Variants in MBNL2 observed in about 807,000 individuals in gnomAD.
The protein encoded by MBNL2 is muscleblind-like protein 2.
A neutral mutation model predicts 41.9 loss-of-function variants in MBNL2; 17 were observed. That is an observed-to-expected ratio of 0.41 (90% CI 0.28 to 0.61). The LOEUF (loss-of-function observed/expected upper bound fraction) is 0.61. Among genes scored for constraint, MBNL2 ranks in the 20% least tolerant of loss-of-function variants. The pLI is 0.35. For missense variants in MBNL2, 336 were observed against 505.6 expected (o/e 0.66, Z 3.22); for synonymous variants, 195 against 182.9 (o/e 1.07, Z -0.53).
chr13:97,167,664 A>C, the MBNL2 span, among the ~76,000 whole-genome samples: 1 of 152,194 alleles, frequency 6.6e-6, no homozygotes, highest in Non-Finnish European at 1.5e-5. Flanking sequence ...ATCATAAAGC[A>C]GAGGATTTAA....
rs371829507 is a variant in MBNL2, at chr13:97,269,012, C to T, written c.-604-6620C>T. Among the ~76,000 whole-genome samples, 102 of 152,258 alleles carry T rather than the reference C, an allele frequency of 6.7e-4. 3 individuals carry two copies. The South Asian group carries it at 0.02, about 29-fold the overall frequency. ...CGGAGGGTGGCTCAGCTGAACCTTC[C>T]TGGCAAGCTCATATCCTTTTCCAGG... On this transcript the variant is annotated intron_variant, in intron 1 of 8. Coordinates refer to ENST00000679496, the MANE Select transcript of MBNL2 (RefSeq NM_001382683.1).
intron 2 of MBNL2, among the ~76,000 whole-genome samples, chr13:97,296,995 G>T (rs1278572930): frequency 6.6e-6 from 1 of 152,210 alleles, no homozygotes; most frequent in African/African-American, 2.4e-5. Context: ...CAAGGCTCTT[G>T]TCTGTGGCCC....
chr13:97,351,423 G>T (rs1594251563), intron 5 of MBNL2, among the ~76,000 whole-genome samples: 3 of 152,314 alleles, frequency 2.0e-5, no homozygotes, highest in African/African-American at 7.2e-5. Context: ...TACTTTGAAG[G>T]TTTGAAGCTA....
Position 97,346,734 on chromosome 13 carries a change from G to C in MBNL2, c.541-70G>C. On this transcript the variant is annotated intron_variant, in intron 4 of 8. Transcript: ENST00000679496. The surrounding 1 kb of genome is among the most constrained non-coding windows in gnomAD (Gnocchi z 4.2). ...CGAGGCAGCCTCCGCTCCTCCCGCG[G>C]TGGCCGGGGCCGCAGGGGCGCCTGG... 1 of 1,390,640 alleles carries C rather than the reference G, an allele frequency of 7.2e-7. No homozygotes were observed. Among genetic ancestry groups the C allele is most frequent in the South Asian group, 1.3e-5 (1 of 77,566 alleles). 86.1% of individuals were successfully genotyped at this position (1,390,640 alleles called of 1,614,324 possible).
intron 8 of MBNL2, among the ~76,000 whole-genome samples, chr13:97,372,977 T>TTTTG (rs1277298618): frequency 6.6e-6 from 1 of 152,202 alleles, no homozygotes; most frequent in Non-Finnish European, 1.5e-5. Context: ...GGGGCCTGCA[T>TTTTG]TTTGTTTCAC....
the MBNL2 span, among the ~76,000 whole-genome samples, chr13:97,197,144 CT>C: frequency 6.6e-6 from 1 of 152,164 alleles, no homozygotes; most frequent in South Asian, 2.1e-4. Flanking sequence ...GTAAACTCAG[CT>C]CATTGTTTTT....
the MBNL2 span, among the ~76,000 whole-genome samples, chr13:97,187,519 T>C: frequency 1.6e-4 from 23 of 142,006 alleles, no homozygotes; most frequent in Admixed American, 1.4e-3. Flanking sequence ...CCATGCATAG[T>C]ACTGCCTAAT....
chr13:97,350,574 A>T (rs150284419), intron 5 of MBNL2, among the ~76,000 whole-genome samples: 59 of 152,340 alleles, frequency 3.9e-4, no homozygotes, highest in African/African-American at 1.4e-3. Context: ...AACTAAGTTT[A>T]TATAGTTTGC....
chr13:97,245,830 CA>C (rs1262515823), intron 1 of MBNL2, among the ~76,000 whole-genome samples: 1 of 152,144 alleles, frequency 6.6e-6, no homozygotes, highest in African/African-American at 2.4e-5. Flanking sequence ...TCCACTGAAA[CA>C]AATCTGAAAT....
intron 2 of MBNL2, among the ~76,000 whole-genome samples, chr13:97,321,257 C>A (rs2059476140): frequency 6.6e-6 from 1 of 152,190 alleles, no homozygotes. Context: ...AGCAGCCAAT[C>A]AGAGTGCACC....
At chr13:97,166,874 G>A in the MBNL2 span, among the ~76,000 whole-genome samples, 2 of 139,714 alleles carry the variant, frequency 1.4e-5, no homozygotes, top group Non-Finnish European at 3.1e-5. Flanking sequence ...TATTAGTTCT[G>A]TCCCTCTAGA....
chr13:97,306,379 A>T (rs1205916742), intron 2 of MBNL2, among the ~76,000 whole-genome samples: 1 of 152,220 alleles, frequency 6.6e-6, no homozygotes, highest in African/African-American at 2.4e-5. Context: ...GCAGTATTTG[A>T]CACGGTTGAG....
the MBNL2 span, among the ~76,000 whole-genome samples, chr13:97,144,423 C>CTTTTTTTTTTT: frequency 1.4e-3 from 171 of 118,056 alleles, 13 homozygotes; most frequent in African/African-American, 5.7e-3. Context: ...CATGATACTT[C>CTTTTTTTTTTT]TTTTTTTTTT....
chr13:97,249,809 G>A (rs2046173779), intron 1 of MBNL2, among the ~76,000 whole-genome samples: 1 of 152,284 alleles, frequency 6.6e-6, no homozygotes, highest in African/African-American at 2.4e-5. Flanking sequence ...TGAGTATTAG[G>A]TTTCCCCCCT....
At position 97,346,866 on chromosome 13, in the gene MBNL2, C is replaced by T; in HGVS notation, c.603C>T (p.His201=). The part of the protein sequence containing the change: ...ARGETDCRFA[H]PADSTMIDTS... ...GAGAGACCGACTGCCGCTTTGCACA[C>T]CCCGCAGACAGCACCATGATCGACA... The change falls in exon 5 of 9, where the codon CAC becomes CAT. Residue 201 remains histidine, a synonymous_variant. Coordinates refer to ENST00000679496, the MANE Select transcript of MBNL2 (RefSeq NM_001382683.1). This position sits in a 1 kb window ranked among gnomAD's most constrained non-coding sequence, Gnocchi z 4.2. 3 of 1,613,794 alleles carry T rather than the reference C, an allele frequency of 1.9e-6. No homozygotes were observed. The highest frequency in any genetic ancestry group is 2.5e-6 in the Non-Finnish European group (3 of 1,179,764).
intron 2 of MBNL2, among the ~76,000 whole-genome samples, chr13:97,282,505 A>T (rs1020967726): frequency 6.6e-6 from 1 of 152,228 alleles, no homozygotes; most frequent in Non-Finnish European, 1.5e-5. Flanking sequence ...TTTTGTCTGT[A>T]TATAAATATT....
intron 1 of MBNL2, among the ~76,000 whole-genome samples, chr13:97,226,652 G>A (rs1475024634): frequency 6.6e-6 from 1 of 152,078 alleles, no homozygotes. Flanking sequence ...TGAGTTTTAG[G>A]TATCTGTATG....
chr13:97,185,126 T>A, the MBNL2 span, among the ~76,000 whole-genome samples: 1 of 152,236 alleles, frequency 6.6e-6, no homozygotes, highest in Admixed American at 6.5e-5. Context: ...TACCTTAAGT[T>A]ATGATGATAT....
chr13:97,318,748 T>C (rs1262909126), intron 2 of MBNL2, among the ~76,000 whole-genome samples: 2 of 152,184 alleles, frequency 1.3e-5, no homozygotes, highest in Non-Finnish European at 2.9e-5. Context: ...TTCCACAGTT[T>C]ACAGGCAGGT....
Sources: allele counts gnomAD v4.1 joint callset (sites outside exome capture counted in the v4.1 genomes callset), GRCh38; gene constraint gnomAD v4.1.1; non-coding constraint Gnocchi (gnomAD v3.1); transcripts MANE v1.5; gene names NCBI Gene and HGNC (gene_info 2026-07-23, HGNC 2026-07-21).